ZNF385D: variants seen among roughly 807,000 people sequenced by gnomAD.
ZNF385D encodes zinc finger protein 385D, also known as zinc finger protein 659.
ZNF385D carries 15 observed loss-of-function variants against 35.8 expected under a neutral mutation model. The observed-to-expected ratio is 0.42, with a 90% confidence interval of 0.28 to 0.64. The LOEUF is 0.64. ZNF385D is among the 30% of genes least tolerant of loss of function. The probability of loss-of-function intolerance (pLI) is 0.23; values close to 1 mark genes in which losing one functional copy is unlikely to be tolerated. For synonymous variants in ZNF385D, 212 were observed against 186.8 expected, an observed-to-expected ratio of 1.13 and a Z score of -1.10; for missense variants, 474 against 494.6, an observed-to-expected ratio of 0.96 and a Z score of 0.39.
chr3:21,896,234 A>G lies in ZNF385D; in HGVS notation c.326-231206T>C, dbSNP rs151181339. On this transcript the variant is annotated intron_variant, in intron 3 of 5. Transcript: ENST00000494108. ...TAATTACATCACCTGAACAGTTTACATGATAAACATGTTAAGTTTGAGTAG... is the reference window on the plus strand; with the variant it reads ...TAATTACATCACCTGAACAGTTTACGTGATAAACATGTTAAGTTTGAGTAG... 1.4e-4 allele frequency among the ~76,000 whole-genome samples: 21 copies of G among 152,308 alleles called. No individual in the cohort carries two copies. The East Asian group carries it at 3.5e-3, about 25-fold the overall frequency.
chr3:22,330,338 T>C (rs181164008), intron 2 of ZNF385D, among the ~76,000 whole-genome samples: 1 of 152,292 alleles, frequency 6.6e-6, no homozygotes, highest in East Asian at 1.9e-4. Flanking sequence ...TACTAACTGC[T>C]GAGGTTTGTC....
At chr3:22,372,739 CGCGCTCGCG>C (rs892304199) in exon 2 of ZNF385D, 1 of 152,548 alleles carries the variant, frequency 6.6e-6, no homozygotes, top group Admixed American at 6.5e-5. Flanking sequence ...CTGCCTCCGC[CGCGCTCGCG>C]GCGCTCCGCA....
chr3:22,089,836 T>TTTTTA (rs1288564236), intron 3 of ZNF385D, among the ~76,000 whole-genome samples: 1 of 152,092 alleles, frequency 6.6e-6, no homozygotes, highest in Admixed American at 6.5e-5. Flanking sequence ...AATTAACAAT[T>TTTTTA]TTTTATTTTA....
intron 2 of ZNF385D, among the ~76,000 whole-genome samples, chr3:22,206,393 A>C (rs906296128): frequency 2.6e-5 from 4 of 152,032 alleles, no homozygotes; most frequent in Non-Finnish European, 4.4e-5. Flanking sequence ...ATCAACAAAG[A>C]AACATCAGAC....
intron 1 of ZNF385D, among the ~76,000 whole-genome samples, chr3:21,728,806 G>C (rs2068872525): frequency 6.6e-6 from 1 of 152,152 alleles, no homozygotes; most frequent in South Asian, 2.1e-4. Context: ...CCCCTACACA[G>C]CTTTGCAGTC....
chr3:22,331,633 C>A (rs934896493), intron 2 of ZNF385D, among the ~76,000 whole-genome samples: 1 of 152,160 alleles, frequency 6.6e-6, no homozygotes, highest in East Asian at 1.9e-4. Flanking sequence ...AACTTTGGTA[C>A]AAGGAGTAAA....
intron 3 of ZNF385D, among the ~76,000 whole-genome samples, chr3:21,782,073 C>T (rs994467906): frequency 6.6e-6 from 1 of 152,068 alleles, no homozygotes; most frequent in African/African-American, 2.4e-5. Flanking sequence ...GAAAGGGACT[C>T]ATTTTATGAC....
chr3:22,116,240 T>C (rs1045266775), intron 3 of ZNF385D, among the ~76,000 whole-genome samples: 2 of 152,086 alleles, frequency 1.3e-5, no homozygotes, highest in Middle Eastern at 3.2e-3. Context: ...GAATCTATTT[T>C]ATATAGATTT....
At chr3:21,784,323 G>C (rs1458222135) in intron 3 of ZNF385D, among the ~76,000 whole-genome samples, 21 of 152,014 alleles carry the variant, frequency 1.4e-4, no homozygotes, top group Admixed American at 1.4e-3. Flanking sequence ...TTACCTTTTG[G>C]TGTTACTCTG....
At chr3:21,505,179 C>T (rs746377071) in intron 4 of ZNF385D, among the ~76,000 whole-genome samples, 11 of 151,944 alleles carry the variant, frequency 7.2e-5, no homozygotes, top group Non-Finnish European at 1.5e-4. Context: ...TGGTTTTTTT[C>T]ATTTGTTTGT....
chr3:21,930,584 T>C (rs1575943005), intron 3 of ZNF385D, among the ~76,000 whole-genome samples: 1 of 152,006 alleles, frequency 6.6e-6, no homozygotes, highest in African/African-American at 2.4e-5. Context: ...TGTCAAAATT[T>C]TACTATAAAG....
chr3:22,314,963 A>G (rs1703804300), intron 2 of ZNF385D, among the ~76,000 whole-genome samples: 1 of 152,158 alleles, frequency 6.6e-6, no homozygotes, highest in African/African-American at 2.4e-5. Flanking sequence ...AAGGGTTAAG[A>G]AAATATGGGC....
chr3:21,758,975 C>CGAAAAAA (rs2070471786), intron 3 of ZNF385D, among the ~76,000 whole-genome samples: 1 of 29,222 alleles, frequency 3.4e-5, no homozygotes, highest in African/African-American at 1.4e-4. Context: ...TCATCACTGG[C>CGAAAAAA]AAAAAAAAAA....
chr3:21,796,968 G>C (rs1310966164), intron 3 of ZNF385D, among the ~76,000 whole-genome samples: 1 of 152,186 alleles, frequency 6.6e-6, no homozygotes, highest in East Asian at 1.9e-4. Flanking sequence ...GTCTCTTGGA[G>C]TGGGTGGCAT....
intron 3 of ZNF385D, among the ~76,000 whole-genome samples, chr3:21,968,982 G>T (rs1165636558): frequency 6.6e-6 from 1 of 152,130 alleles, no homozygotes; most frequent in Non-Finnish European, 1.5e-5. Context: ...GGCCAGAGGA[G>T]AACCCATTCT....
chr3:21,991,638 A>G (rs1695156228), intron 3 of ZNF385D, among the ~76,000 whole-genome samples: 1 of 152,202 alleles, frequency 6.6e-6, no homozygotes, highest in South Asian at 2.1e-4. Flanking sequence ...GAACTGTATT[A>G]TGGCACGTCT....
intron 3 of ZNF385D, among the ~76,000 whole-genome samples, chr3:21,869,109 A>G (rs556249194): frequency 2.6e-5 from 4 of 152,222 alleles, no homozygotes; most frequent in South Asian, 4.1e-4. Flanking sequence ...CTGCATAACA[A>G]TGTTTCGAGG....
intron 3 of ZNF385D, among the ~76,000 whole-genome samples, chr3:21,807,328 G>C (rs768888952): frequency 6.6e-6 from 1 of 152,120 alleles, no homozygotes; most frequent in Non-Finnish European, 1.5e-5. Context: ...ACCACAGCCA[G>C]TGCAGATTTA....
At position 21,678,469 on chromosome 3, in the gene ZNF385D, C is replaced by T. The variant is rs193039011; in HGVS notation, c.23-13441G>A. On this transcript the variant is annotated intron_variant, in intron 1 of 7. Transcript: ENST00000281523. Reference sequence around the variant, plus strand: ...TGATATGTCTTAGACAGTAGAAGTTCGTGAAGTGACCTAATCACTGTAAAC... The same window carrying T: ...TGATATGTCTTAGACAGTAGAAGTTTGTGAAGTGACCTAATCACTGTAAAC... 4.7e-3 allele frequency among the ~76,000 whole-genome samples: 708 copies of T among 152,114 alleles called. 4 individuals are homozygous for T. The highest frequency in any genetic ancestry group is 0.016 in the African/African-American group (672 of 41,502).
Sources: allele counts gnomAD v4.1 joint callset (sites outside exome capture counted in the v4.1 genomes callset), GRCh38; gene constraint gnomAD v4.1.1; transcripts MANE v1.5; gene names NCBI Gene and HGNC (gene_info 2026-07-23, HGNC 2026-07-21).